Variants in ZNF148 observed in about 807,000 individuals in gnomAD.
The protein encoded by ZNF148 is zinc finger protein 148.
In ZNF148, 7 loss-of-function variants were observed where a neutral mutation model predicts 67.7. That is an observed-to-expected ratio of 0.10 (90% CI 0.06 to 0.19). The LOEUF is 0.19. Ranked by LOEUF, ZNF148 falls within the 10% of genes least tolerant of loss-of-function variation. The probability of loss-of-function intolerance (pLI) is 1.00; values close to 1 mark genes in which losing one functional copy is unlikely to be tolerated. For synonymous variants in ZNF148, 333 were observed against 330.7 expected (o/e 1.01, Z -0.08); for missense variants, 583 against 947.1 (o/e 0.62, Z 5.05).
At chr3:125,291,712 T>C (rs531202976) in intron 4 of ZNF148, among the ~76,000 whole-genome samples, 1 of 152,310 alleles carries the variant, frequency 6.6e-6, no homozygotes, top group African/African-American at 2.4e-5. Context: ...CCAGCTACTA[T>C]ATTCCTTCTT....
At chr3:125,308,271 T>A (rs1295390204) in intron 4 of ZNF148, among the ~76,000 whole-genome samples, 1 of 152,174 alleles carries the variant, frequency 6.6e-6, no homozygotes, top group African/African-American at 2.4e-5. Context: ...AATTAGAATT[T>A]GACATTTTAA....
At chr3:125,317,614 AAGG>A (rs2107682282) in intron 3 of ZNF148, among the ~76,000 whole-genome samples, 1 of 148,356 alleles carries the variant, frequency 6.7e-6, no homozygotes, top group East Asian at 2.0e-4. Context: ...AAAAAAAATC[AAGG>A]AGAACTATGT....
intron 1 of ZNF148, among the ~76,000 whole-genome samples, chr3:125,333,066 C>G (rs1436205378): frequency 6.6e-6 from 1 of 152,168 alleles, no homozygotes; most frequent in African/African-American, 2.4e-5. Context: ...TGTGATGTAT[C>G]TAATCCACAA....
At chr3:125,303,196 C>A (rs1939686838) in intron 4 of ZNF148, among the ~76,000 whole-genome samples, 1 of 152,172 alleles carries the variant, frequency 6.6e-6, no homozygotes, top group South Asian at 2.1e-4. Flanking sequence ...TAAGGATATT[C>A]AGGGGTTAGG....
chr3:125,317,712 TA>T (rs1360212042), intron 3 of ZNF148, among the ~76,000 whole-genome samples: 13 of 91,554 alleles, frequency 1.4e-4, no homozygotes, highest in African/African-American at 3.1e-4. Context: ...TATATATATA[TA>T]TTTTTTTTTT....
intron 7 of ZNF148, among the ~76,000 whole-genome samples, chr3:125,265,730 T>C (rs763157553): frequency 1.6e-4 from 25 of 152,326 alleles, no homozygotes; most frequent in Non-Finnish European, 2.6e-4. Context: ...ATATATATGA[T>C]TGATTTTTAA....
At chr3:125,283,708 G>A (rs1938512687) in intron 5 of ZNF148, among the ~76,000 whole-genome samples, 1 of 152,036 alleles carries the variant, frequency 6.6e-6, no homozygotes, top group South Asian at 2.1e-4. Flanking sequence ...GTAACATGTA[G>A]AAGAAAGCAT....
intron 4 of ZNF148, 130 bp from the exon 5 acceptor site, chr3:125,288,358 G>T: frequency 3.3e-6 from 3 of 916,824 alleles, no homozygotes; most frequent in Non-Finnish European, 4.8e-6. Flanking sequence ...ATGTGTGTGT[G>T]TCCTAACTAT....
chr3:125,260,707 C>A (rs919240314), intron 7 of ZNF148, among the ~76,000 whole-genome samples: 2 of 152,074 alleles, frequency 1.3e-5, no homozygotes, highest in Non-Finnish European at 2.9e-5. Flanking sequence ...ACTGTCAACA[C>A]GCACAGAACT....
At chr3:125,348,480 CAA>C (rs35810148) in intron 1 of ZNF148, among the ~76,000 whole-genome samples, 18 of 60,722 alleles carry the variant, frequency 3.0e-4, no homozygotes, top group Admixed American at 1.3e-3. Context: ...GACCCTGTCT[CAA>C]AAAAAAAAAA....
At position 125,233,719 on chromosome 3, in the gene ZNF148, G is replaced by T. The variant is rs1265068037; in HGVS notation, c.1007C>A (p.Ser336Tyr). Residue 336 changes from serine to tyrosine, a missense_variant, in exon 9 of 9, where the codon TCT becomes TAT. By Grantham distance (144) the Ser-to-Tyr change is moderately radical. Around this residue, in one of 5 missense-constraint regions of ZNF148, gnomAD observed 78 missense variants for 86.5 expected, o/e 0.90. Coordinates refer to ENST00000360647, the MANE Select transcript of ZNF148 (RefSeq NM_021964.3). The surrounding 1 kb of genome is among the most constrained non-coding windows in gnomAD (Gnocchi z 5.1). ...ATCATTTTTGTCTTTTTTCAGGTCAGATTTGTCCAAAGCACTCTCTTTGTC... is the reference window on the plus strand; with the variant it reads ...ATCATTTTTGTCTTTTTTCAGGTCATATTTGTCCAAAGCACTCTCTTTGTC... ...GMDKESALDKSDLKKDKNDYL... is the reference protein window; with the variant it reads ...GMDKESALDKYDLKKDKNDYL... 1 of 1,613,654 alleles carries T rather than the reference G, an allele frequency of 6.2e-7. No individual in the cohort carries two copies. Among genetic ancestry groups the T allele is most frequent in the African/African-American group, 1.3e-5 (1 of 74,874 alleles).
chr3:125,365,674 C>T (rs1217377970), intron 1 of ZNF148, among the ~76,000 whole-genome samples: 2 of 152,008 alleles, frequency 1.3e-5, no homozygotes, highest in African/African-American at 2.4e-5. Context: ...GAAAATTAGC[C>T]AGGCGTGGTG....
At chr3:125,258,521 C>A (rs1315838340) in intron 7 of ZNF148, among the ~76,000 whole-genome samples, 1 of 151,298 alleles carries the variant, frequency 6.6e-6, no homozygotes, top group Admixed American at 6.6e-5. Context: ...CCCACCTTAT[C>A]CTCCCAAGTA....
intron 7 of ZNF148, among the ~76,000 whole-genome samples, chr3:125,257,352 G>C (rs1937131928): frequency 1.3e-5 from 2 of 152,034 alleles, no homozygotes. Flanking sequence ...AGGAGTTTGA[G>C]AACAGCCTGG....
At chr3:125,261,637 T>C (rs1253302223) in intron 7 of ZNF148, among the ~76,000 whole-genome samples, 1 of 152,026 alleles carries the variant, frequency 6.6e-6, no homozygotes, top group Non-Finnish European at 1.5e-5. Flanking sequence ...CTAAACGACA[T>C]GAGGAGGACT....
In ZNF148 at chr3:125,233,275, C is replaced by T. The variant is rs1935937192; in HGVS notation, c.1451G>A (p.Ser484Asn). 6.2e-7 allele frequency: 1 copy of T among 1,613,886 alleles called. No individual in the cohort carries two copies. ...ACCCACATTCAGCGCATATTCCCTG[C>T]TGTTGTTACTTGCTGCTTGAAGATA... ...KRYLQAASNN[S>N]REYALNVGTI... Residue 484 changes from serine to asparagine, a missense_variant, in exon 9 of 9, where the codon AGC becomes AAC. Ser to Asn is a conservative substitution (Grantham distance 46). Around this residue, in one of 5 missense-constraint regions of ZNF148, gnomAD observed 172 missense variants for 307.7 expected, o/e 0.56. Coordinates refer to ENST00000360647, the MANE Select transcript of ZNF148 (RefSeq NM_021964.3). This position sits in a 1 kb window ranked among gnomAD's most constrained non-coding sequence, Gnocchi z 5.1.
intron 6 of ZNF148, 119 bp downstream of exon 6, chr3:125,279,003 ATC>A: frequency 1.8e-6 from 2 of 1,098,646 alleles, no homozygotes; most frequent in Admixed American, 2.9e-5. Flanking sequence ...GGCCTACAAA[ATC>A]TCTGATTTGG....
intron 1 of ZNF148, among the ~76,000 whole-genome samples, chr3:125,371,380 G>A (rs1434159671): frequency 7.3e-6 from 1 of 137,798 alleles, no homozygotes; most frequent in African/African-American, 2.6e-5. Context: ...AAAGGGGGGG[G>A]GGGGGGCAGG....
chr3:125,370,097 T>C (rs893622107), intron 1 of ZNF148, among the ~76,000 whole-genome samples: 1 of 151,956 alleles, frequency 6.6e-6, no homozygotes, highest in Non-Finnish European at 1.5e-5. Flanking sequence ...CATTTATGCC[T>C]GAGGTAAAAA....
Sources: allele counts gnomAD v4.1 joint callset (sites outside exome capture counted in the v4.1 genomes callset), GRCh38; gene constraint gnomAD v4.1.1; regional missense constraint gnomAD v4.1.1; non-coding constraint Gnocchi (gnomAD v3.1); transcripts MANE v1.5; gene names NCBI Gene and HGNC (gene_info 2026-07-23, HGNC 2026-07-21).